The following BICRA variants were observed in gnomAD, a reference collection of about 807,000 sequenced individuals.
The protein encoded by BICRA is BRD4-interacting chromatin-remodeling complex-associated protein.
In BICRA, 31 loss-of-function variants were observed where a neutral mutation model predicts 96.9. That is an observed-to-expected ratio of 0.32 (90% CI 0.24 to 0.43). BICRA has a LOEUF of 0.43. BICRA is among the 20% of genes least tolerant of loss of function. The pLI, the probability that BICRA is intolerant of heterozygous loss-of-function variation, is 1.00. For synonymous variants in BICRA, 1,350 were observed against 1,071.8 expected, an observed-to-expected ratio of 1.26 and a Z score of -5.07; for missense variants, 2,283 against 2,190.3, an observed-to-expected ratio of 1.04 and a Z score of -0.84.
chr19:47,641,409 CT>C (rs773242560), intron 1 of BICRA, among the ~76,000 whole-genome samples: 11 of 152,302 alleles, frequency 7.2e-5, no homozygotes, highest in Non-Finnish European at 1.5e-4. Context: ...TCCCTACCCC[CT>C]GGCTCAGGCA....
rs531652225 is a variant in BICRA at position 47,655,270 on chromosome 19, A to G, written c.-107-15173A>G. 2.0e-5 allele frequency among the ~76,000 whole-genome samples: 3 copies of G among 152,222 alleles called. No homozygotes were observed. The South Asian group carries it at 6.2e-4, about 32-fold the overall frequency. ...GCCAGGCGTGGTGGCTCTCACCTGTAATCCCAGCACTTTGGGAGGCCGAAG... is the reference window on the plus strand; with the variant it reads ...GCCAGGCGTGGTGGCTCTCACCTGTGATCCCAGCACTTTGGGAGGCCGAAG... On this transcript the variant is annotated intron_variant, in intron 1 of 14. Coordinates refer to ENST00000594866, the MANE Select transcript of BICRA (RefSeq NM_001394372.1).
At chr19:47,677,894 G>GTCA (rs1972965952) in intron 5 of BICRA, among the ~76,000 whole-genome samples, 1 of 152,290 alleles carries the variant, frequency 6.6e-6, no homozygotes, top group East Asian at 1.9e-4. Flanking sequence ...TGTGGTGTGT[G>GTCA]TCATGTCACA....
chr19:47,613,312 T>C (rs1334430397), intron 1 of BICRA, among the ~76,000 whole-genome samples: 1 of 152,110 alleles, frequency 6.6e-6, no homozygotes, highest in South Asian at 2.1e-4. Flanking sequence ...CCCGCCAGGC[T>C]GCCTTGACTC....
intron 14 of BICRA, chr19:47,700,373 C>T (rs886682229): frequency 6.6e-6 from 1 of 151,158 alleles, no homozygotes; most frequent in Non-Finnish European, 1.5e-5. Flanking sequence ...AGGCAATGAG[C>T]TACCTCAATG....
chr19:47,633,280 A>G (rs975553619), intron 1 of BICRA, among the ~76,000 whole-genome samples: 1 of 151,824 alleles, frequency 6.6e-6, no homozygotes, highest in Non-Finnish European at 1.5e-5. Flanking sequence ...GGGTTTCACC[A>G]TGTTGGTCAG....
chr19:47,660,510 G>A (rs1440499928), intron 1 of BICRA, among the ~76,000 whole-genome samples: 1 of 152,168 alleles, frequency 6.6e-6, no homozygotes, highest in Non-Finnish European at 1.5e-5. Flanking sequence ...CAAAGGCCTT[G>A]GAAATACATC....
chr19:47,615,796 A>T (rs1353755787), intron 1 of BICRA: 2 of 152,124 alleles, frequency 1.3e-5, no homozygotes, highest in Non-Finnish European at 2.9e-5. Context: ...TGGGCAAGCA[A>T]TTCCTTTGCA....
At chr19:47,616,769 G>A (rs1971991062) in intron 1 of BICRA, among the ~76,000 whole-genome samples, 3 of 152,050 alleles carry the variant, frequency 2.0e-5, no homozygotes, top group Non-Finnish European at 4.4e-5. Context: ...TTTAGGATAG[G>A]ACCTGGCTCT....
intron 1 of BICRA, among the ~76,000 whole-genome samples, chr19:47,645,023 A>G (rs541050025): frequency 3.2e-4 from 49 of 152,336 alleles, no homozygotes; most frequent in African/African-American, 1.2e-3. Context: ...ACCACAGGAC[A>G]GTTATCAAAT....
chr19:47,648,687 T>G (rs6509331), intron 1 of BICRA, among the ~76,000 whole-genome samples: 41,948 of 148,518 alleles, frequency 0.28, 6,270 homozygotes, highest in Middle Eastern at 0.35. Context: ...TTGTTTGTTT[T>G]TTTTTTTTTG....
intron 1 of BICRA, among the ~76,000 whole-genome samples, chr19:47,658,030 A>G (rs1160301970): frequency 6.6e-6 from 1 of 151,848 alleles, no homozygotes; most frequent in African/African-American, 2.4e-5. Context: ...AGTCATTGTC[A>G]TTATATTCAT....
intron 1 of BICRA, among the ~76,000 whole-genome samples, chr19:47,653,146 C>T (rs1972565828): frequency 6.6e-6 from 1 of 151,470 alleles, no homozygotes; most frequent in East Asian, 1.9e-4. Context: ...ACCTCAGACT[C>T]CAGAGTAGCT....
intron 1 of BICRA, among the ~76,000 whole-genome samples, chr19:47,642,902 G>A (rs749282319): frequency 8.5e-5 from 13 of 152,190 alleles, no homozygotes; most frequent in Non-Finnish European, 1.6e-4. Flanking sequence ...TAATTTCCCT[G>A]ATGACTAAAG....
intron 9 of BICRA, 23 bp from the exon 10 acceptor site, chr19:47,695,342 T>TCGGGGGGCCCCCCCC: frequency 3.2e-6 from 2 of 630,192 alleles, no homozygotes; most frequent in Non-Finnish European, 2.8e-6. Context: ...AGGCCCTGTC[T>TCGGGGGGCCCCCCCC]CCCCCACCCC....
In BICRA at chr19:47,622,041, A is replaced by G. The variant is rs1369639270; in HGVS notation, c.-108+12873A>G. Among the ~76,000 whole-genome samples, 9 of 150,946 alleles carry G rather than the reference A, an allele frequency of 6.0e-5. No individual in the cohort carries two copies. In the East Asian group the frequency reaches 1.4e-3, roughly 23 times the overall value. ...GAGTGCAGTGGTGCGATTTTGGCCC[A>G]CTGCAACCTCTACCTCCCGGGTTCA... On this transcript the variant is annotated intron_variant, in intron 1 of 14. Transcript: ENST00000594866.
intron 1 of BICRA, among the ~76,000 whole-genome samples, chr19:47,616,597 C>A (rs144719028): frequency 6.6e-6 from 1 of 150,676 alleles, no homozygotes; most frequent in African/African-American, 2.4e-5. Flanking sequence ...TGAGATCGCA[C>A]GATTGCACTC....
At chr19:47,650,040 C>T (rs1388919120) in intron 1 of BICRA, among the ~76,000 whole-genome samples, 1 of 152,144 alleles carries the variant, frequency 6.6e-6, no homozygotes, top group Non-Finnish European at 1.5e-5. Flanking sequence ...CCACCTCCAC[C>T]TCCAGGGCTC....
chr19:47,654,403 C>G (rs1439597152), intron 1 of BICRA, among the ~76,000 whole-genome samples: 1 of 151,842 alleles, frequency 6.6e-6, no homozygotes, highest in African/African-American at 2.4e-5. Flanking sequence ...TGCAATAGTC[C>G]TGCCCAAGAA....
chr19:47,674,313 T>TCTACACAACC (rs149002308), intron 4 of BICRA, among the ~76,000 whole-genome samples: 1 of 151,796 alleles, frequency 6.6e-6, no homozygotes, highest in Admixed American at 6.6e-5. Flanking sequence ...AGTCACCAGG[T>TCTACACAACC]TGTGTAGGCC....
Sources: gnomAD v4.1 joint callset for allele counts (sites outside exome capture counted in the v4.1 genomes callset) on GRCh38, gnomAD v4.1.1 for gene constraint, MANE v1.5 for transcripts, NCBI Gene and HGNC (gene_info 2026-07-23, HGNC 2026-07-21) for gene names.